Variants in GPC5 observed in about 807,000 individuals in gnomAD.
GPC5 encodes glypican-5.
In GPC5, 47 loss-of-function variants were observed where a neutral mutation model predicts 53.9. The observed-to-expected ratio is 0.87, with a 90% CI of 0.69 to 1.11. The LOEUF (loss-of-function observed/expected upper bound fraction) is 1.11. Ranked by LOEUF, GPC5 falls within the 50% of genes most tolerant of loss-of-function variation. The pLI, the probability that GPC5 is intolerant of heterozygous loss-of-function variation, is 0.00. For synonymous variants in GPC5, 286 were observed against 263.3 expected, an observed-to-expected ratio of 1.09 and a Z score of -0.84; for missense variants, 748 against 713.1, an observed-to-expected ratio of 1.05 and a Z score of -0.56.
At chr13:91,743,794 C>T (rs1313350094) in intron 4 of GPC5, among the ~76,000 whole-genome samples, 1 of 152,162 alleles carries the variant, frequency 6.6e-6, no homozygotes, top group Non-Finnish European at 1.5e-5. Flanking sequence ...CCACCATGAT[C>T]TGTAGAATCA....
At chr13:92,469,987 A>C (rs975194618) in intron 7 of GPC5, among the ~76,000 whole-genome samples, 2 of 152,182 alleles carry the variant, frequency 1.3e-5, no homozygotes, top group Non-Finnish European at 2.9e-5. Flanking sequence ...TGAATATTTT[A>C]TAACTATCAG....
chr13:91,401,419 T>C (rs1236572726), intron 1 of GPC5, among the ~76,000 whole-genome samples: 1 of 152,222 alleles, frequency 6.6e-6, no homozygotes, highest in Non-Finnish European at 1.5e-5. Context: ...AATATGGTAA[T>C]TGACTATCAT....
In GPC5 at chr13:92,413,545, C is replaced by T. The variant is rs1357888399; in HGVS notation, c.1561+268556C>T. ...TCAGTTACTTTCCATTTTCGTAAAC[C>T]AAATTTTAGAATGAATTGGTGGAAT... On this transcript the variant is annotated intron_variant, in intron 7 of 7. Transcript: ENST00000377067. Among the ~76,000 whole-genome samples, 4 of 152,028 alleles carry T rather than the reference C, an allele frequency of 2.6e-5. No homozygotes were observed. The East Asian group carries it at 5.8e-4, about 22-fold the overall frequency.
chr13:92,022,220 CA>C (rs2040765087), intron 6 of GPC5, among the ~76,000 whole-genome samples: 2 of 152,042 alleles, frequency 1.3e-5, no homozygotes, highest in African/African-American at 4.8e-5. Context: ...AGGCTGGTCT[CA>C]AACTCCTGAC....
intron 7 of GPC5, among the ~76,000 whole-genome samples, chr13:92,573,977 C>T (rs1419376057): frequency 2.0e-5 from 3 of 152,148 alleles, no homozygotes; most frequent in Non-Finnish European, 4.4e-5. Flanking sequence ...AGCAATCGCA[C>T]CTTCTCCAAC....
At chr13:92,001,099 T>C (rs529199449) in intron 6 of GPC5, among the ~76,000 whole-genome samples, 8 of 152,324 alleles carry the variant, frequency 5.3e-5, no homozygotes, top group African/African-American at 1.7e-4. Flanking sequence ...ATGTTCAGCA[T>C]TGTGGTTCCA....
At chr13:92,574,210 C>T (rs529512771) in intron 7 of GPC5, among the ~76,000 whole-genome samples, 1 of 152,222 alleles carries the variant, frequency 6.6e-6, no homozygotes, top group South Asian at 2.1e-4. Context: ...AAGTAGAAAT[C>T]ATTTTTGCCA....
intron 7 of GPC5, among the ~76,000 whole-genome samples, chr13:92,479,086 T>C (rs1879254656): frequency 1.3e-5 from 2 of 152,176 alleles, no homozygotes; most frequent in Admixed American, 6.6e-5. Flanking sequence ...TGTATTTGAT[T>C]ACACAAATTA....
rs71113766 is a variant in GPC5 at position 91,813,920 on chromosome 13, ATTTTTTTTTTT to A, written c.1280+57520_1280+57530del. Among the ~76,000 whole-genome samples the A allele has an allele frequency of 1.4e-3, 103 of 72,638 alleles. 1 individual carries two copies. Among genetic ancestry groups the A allele is most frequent in the East Asian group, 5.6e-3 (14 of 2,500 alleles). 47.7% of individuals were successfully genotyped at this position (72,638 alleles called of 152,430 possible). A position where few individuals can be genotyped will look rare whatever the true frequency, so the allele number is the denominator to read the frequency against. On this transcript the variant is annotated intron_variant, in intron 5 of 7. Transcript: ENST00000377067. The stretch of plus-strand genomic sequence containing the variant: ...TTAGACTGTTGGATTATCTTAACTG[ATTTTTTTTTTT>A]TTTTTTTTTTTTTTTTTTTGAGACA...
chr13:92,163,657 G>A (rs1441879844), intron 7 of GPC5, among the ~76,000 whole-genome samples: 1 of 152,106 alleles, frequency 6.6e-6, no homozygotes, highest in Non-Finnish European at 1.5e-5. Flanking sequence ...TACACCTACT[G>A]TTCCTAGATG....
intron 2 of GPC5, among the ~76,000 whole-genome samples, chr13:91,548,109 A>G (rs1577616): frequency 0.85 from 128,947 of 152,026 alleles, 56,431 homozygotes; most frequent in East Asian, 1. Flanking sequence ...CCTGGGAGTC[A>G]TAGCTAAGGC....
intron 7 of GPC5, among the ~76,000 whole-genome samples, chr13:92,443,895 T>G (rs1468609007): frequency 1.3e-5 from 2 of 152,074 alleles, no homozygotes; most frequent in African/African-American, 4.8e-5. Flanking sequence ...CAAAGAAAAA[T>G]GTTCTTGATC....
At chr13:92,269,843 T>C (rs2042827998) in intron 7 of GPC5, among the ~76,000 whole-genome samples, 1 of 152,236 alleles carries the variant, frequency 6.6e-6, no homozygotes, top group Non-Finnish European at 1.5e-5. Context: ...TCTTGCTTTA[T>C]AGAAGAGCTC....
intron 2 of GPC5, among the ~76,000 whole-genome samples, chr13:91,471,562 G>T (rs1429419174): frequency 6.6e-6 from 1 of 152,080 alleles, no homozygotes; most frequent in Non-Finnish European, 1.5e-5. Context: ...ATTTTCTCAT[G>T]CTGCCCAACA....
At chr13:91,484,967 A>C (rs985870902) in intron 2 of GPC5, among the ~76,000 whole-genome samples, 4 of 152,240 alleles carry the variant, frequency 2.6e-5, no homozygotes, top group Non-Finnish European at 5.9e-5. Context: ...ATTGCTACTC[A>C]GAGGTCTACA....
intron 5 of GPC5, among the ~76,000 whole-genome samples, chr13:91,875,318 G>C (rs750246366): frequency 1.3e-5 from 2 of 152,060 alleles, no homozygotes; most frequent in Non-Finnish European, 2.9e-5. Flanking sequence ...TGCTTTTGTA[G>C]TTACCTTTAA....
intron 5 of GPC5, among the ~76,000 whole-genome samples, chr13:91,868,158 C>G (rs1046806283): frequency 1.3e-5 from 2 of 152,130 alleles, no homozygotes; most frequent in African/African-American, 2.4e-5. Flanking sequence ...AAGGAGTAAA[C>G]CAAATATAAG....
chr13:91,532,067 T>C (rs550648748), intron 2 of GPC5, among the ~76,000 whole-genome samples: 1 of 152,236 alleles, frequency 6.6e-6, no homozygotes, highest in Non-Finnish European at 1.5e-5. Context: ...AACAAGTGAT[T>C]GTAAGAAACT....
chr13:92,655,351 T>A (rs1312608437), intron 7 of GPC5, among the ~76,000 whole-genome samples: 2 of 149,554 alleles, frequency 1.3e-5, no homozygotes, highest in East Asian at 4.0e-4. Context: ...TTTTATTTTT[T>A]GAGACAGAGT....
Sources: gnomAD v4.1 joint callset for allele counts (sites outside exome capture counted in the v4.1 genomes callset) on GRCh38, gnomAD v4.1.1 for gene constraint, MANE v1.5 for transcripts, NCBI Gene and HGNC (gene_info 2026-07-23, HGNC 2026-07-21) for gene names.